AEBP2: variants seen among roughly 807,000 people sequenced by gnomAD.
AEBP2 encodes the protein zinc finger protein AEBP2.
A neutral mutation model predicts 50.8 loss-of-function variants in AEBP2; 10 were observed. That is an observed-to-expected ratio of 0.20 (90% CI 0.12 to 0.33). The LOEUF (loss-of-function observed/expected upper bound fraction) is 0.33, where lower values mean the gene tolerates loss of function less well. AEBP2 is among the 10% of genes least tolerant of loss of function. The pLI, the probability that AEBP2 is intolerant of heterozygous loss-of-function variation, is 1.00. For synonymous variants in AEBP2, 296 were observed against 261.3 expected (o/e 1.13, Z -1.28); for missense variants, 570 against 688.0 (o/e 0.83, Z 1.92).
At chr12:19,487,387 C>T (rs1440799067) in intron 3 of AEBP2, among the ~76,000 whole-genome samples, 1 of 151,902 alleles carries the variant, frequency 6.6e-6, no homozygotes. Flanking sequence ...AAAATTATTA[C>T]CACTGTCTGG....
chr12:19,437,130 G>A (rs576536773), upstream of AEBP2, among the ~76,000 whole-genome samples: 18 of 152,266 alleles, frequency 1.2e-4, no homozygotes, highest in African/African-American at 4.3e-4. Context: ...GGGTGTGGAA[G>A]GAATGCTACA....
Position 19,495,888 on chromosome 12 carries a change from C to T in AEBP2, c.1174+1902C>T, listed in dbSNP as rs575412353. ...AGTAATCATGTTTAATTTTAATCAA[C>T]GTTGGCTATTTATGGTACCATTTTC... On this transcript the variant is annotated intron_variant, in intron 4 of 7. Coordinates refer to ENST00000266508, the MANE Select transcript of AEBP2 (RefSeq NM_153207.5). Among the ~76,000 whole-genome samples the T allele has an allele frequency of 4.6e-5, 7 of 152,228 alleles. No individual in the cohort carries two copies. In the South Asian group the frequency reaches 6.2e-4, roughly 14 times the overall value.
chr12:19,462,255 G>A (rs888276011), intron 1 of AEBP2, among the ~76,000 whole-genome samples: 12 of 152,078 alleles, frequency 7.9e-5, no homozygotes, highest in African/African-American at 2.9e-4. Flanking sequence ...GTAGTATTGA[G>A]TTCATGCCTG....
At chr12:19,494,523 ATGGAGTCTCGCTCTGT>A (rs1948941268) in intron 4 of AEBP2, among the ~76,000 whole-genome samples, 1 of 120,772 alleles carries the variant, frequency 8.3e-6, no homozygotes, top group African/African-American at 3.2e-5. Context: ...TTTTTTTGAG[ATGGAGTCTCGCTCTGT>A]CAGCCAGGCC....
At chr12:19,473,551 G>A (rs922098581) in intron 3 of AEBP2, among the ~76,000 whole-genome samples, 196 bp downstream of exon 3, 6 of 151,976 alleles carry the variant, frequency 3.9e-5, no homozygotes, top group East Asian at 3.9e-4. Context: ...GACTACAGGC[G>A]TGTGCCACCA....
At chr12:19,493,640 C>T (rs12824186) in intron 3 of AEBP2, among the ~76,000 whole-genome samples, 160 bp from the exon 4 acceptor site, 15,568 of 152,116 alleles carry the variant, frequency 0.1, 811 homozygotes, top group Middle Eastern at 0.15. Flanking sequence ...CAACTTACTT[C>T]GTAAAGTGAA....
intron 2 of AEBP2, among the ~76,000 whole-genome samples, chr12:19,465,387 C>T (rs1029894966): frequency 4.6e-5 from 7 of 151,436 alleles, no homozygotes; most frequent in African/African-American, 1.7e-4. Context: ...GAATGAGACT[C>T]TGTCTCAAAA....
intron 3 of AEBP2, among the ~76,000 whole-genome samples, chr12:19,486,673 A>G (rs1412723852): frequency 2.0e-5 from 3 of 152,156 alleles, no homozygotes; most frequent in Admixed American, 6.6e-5. Flanking sequence ...ATGAGGCACC[A>G]TGCTCGACCA....
intron 1 of AEBP2, among the ~76,000 whole-genome samples, chr12:19,446,703 GC>G (rs1310406328): frequency 6.9e-6 from 1 of 145,600 alleles, no homozygotes; most frequent in African/African-American, 2.6e-5. Context: ...CTGCACTCCA[GC>G]CTGGGCGACA....
At chr12:19,433,938 C>T (rs2095752908) in intron 1 of AEBP2, among the ~76,000 whole-genome samples, 1 of 152,034 alleles carries the variant, frequency 6.6e-6, no homozygotes, top group African/African-American at 2.4e-5. Context: ...CCTCTGCCTC[C>T]TGGGTTCAAG....
At position 19,416,530 on chromosome 12, in the gene AEBP2, C is replaced by T. The variant is rs750424728; in HGVS notation, c.-17+12314C>T. Among the ~76,000 whole-genome samples, 12 of 151,050 alleles carry T rather than the reference C, an allele frequency of 7.9e-5. No individual in the cohort carries two copies. The East Asian group carries it at 9.9e-4, about 12-fold the overall frequency. On this transcript the variant is annotated intron_variant, in intron 1 of 3. Coordinates refer to the AEBP2 transcript ENST00000538425. ...AAGCGATTCTCCTGCCTCAGGCTCC[C>T]GAGTAGCTGGGATTACAGGCACATG... is the stretch of plus-strand genomic sequence containing the variant.
chr12:19,408,331 C>T (rs184732503), intron 1 of AEBP2, among the ~76,000 whole-genome samples: 116 of 150,714 alleles, frequency 7.7e-4, no homozygotes, highest in Middle Eastern at 3.4e-3. Context: ...CCGAGGTGGA[C>T]GGATCACCTG....
At chr12:19,475,462 G>GTA (rs1948634598) in intron 3 of AEBP2, among the ~76,000 whole-genome samples, 1 of 149,980 alleles carries the variant, frequency 6.7e-6, no homozygotes, top group Non-Finnish European at 1.5e-5. Flanking sequence ...GTGTATGTGT[G>GTA]TGTATATATA....
At chr12:19,440,472 C>T in intron 1 of AEBP2, 102 bp downstream of exon 1, 3 of 1,409,836 alleles carry the variant, frequency 2.1e-6, no homozygotes, top group Non-Finnish European at 2.8e-6. Context: ...CCCTGCTCCC[C>T]GAATCCTCGG....
chr12:19,508,435 T>C (rs1949185833), intron 5 of AEBP2, among the ~76,000 whole-genome samples: 1 of 152,286 alleles, frequency 6.6e-6, no homozygotes, highest in East Asian at 1.9e-4. Flanking sequence ...AGTCCTAATA[T>C]GTTTTCAGGA....
intron 1 of AEBP2, among the ~76,000 whole-genome samples, chr12:19,404,905 C>G (rs1344749503): frequency 1.4e-5 from 2 of 146,558 alleles, no homozygotes; most frequent in Non-Finnish European, 3.0e-5. Context: ...CCAAACATCT[C>G]GTGATTCCAA....
Position 19,518,650 on chromosome 12 carries a change from G to A in AEBP2, c.*533G>A. ...TCAATTATGATAAATAGATGTGATT[G>A]GTTGCCATTTGTGTTCTTTTGCAGA... On this transcript the variant is annotated 3_prime_UTR_variant, in exon 8 of 8. Transcript: ENST00000266508. 6.8e-7 allele frequency: 1 copy of A among 1,462,650 alleles called. No homozygotes were observed. Among genetic ancestry groups the A allele is most frequent in the South Asian group, 1.4e-5 (1 of 72,512 alleles). 90.6% of individuals were successfully genotyped at this position (1,462,650 alleles called of 1,614,324 possible).
In AEBP2 at chr12:19,439,978, C is replaced by T. The variant is rs928576508; in HGVS notation, c.279C>T (p.Ala93=). Residue 93 remains alanine (A), a synonymous_variant, in exon 1 of 8, where the codon GCC becomes GCT. Coordinates refer to ENST00000266508, the MANE Select transcript of AEBP2 (RefSeq NM_153207.5). Reference sequence around the variant, plus strand: ...CGAGCCCCGAGAGCGCCAGCCAGGCCGGGGAGGACGAAGACGAGGAGGAGG... The same window carrying T: ...CGAGCCCCGAGAGCGCCAGCCAGGCTGGGGAGGACGAAGACGAGGAGGAGG... ...SEPSPESASQ[A]GEDEDEEEDD... The T allele has an allele frequency of 2.0e-6, 3 of 1,520,910 alleles. No homozygotes were observed. Among genetic ancestry groups the T allele is most frequent in the Non-Finnish European group, 2.6e-6 (3 of 1,140,718 alleles). The allele number at this position is 1,520,910 out of a possible 1,614,324, so 94.2% of individuals were successfully genotyped here.
chr12:19,501,797 G>GTTTTTTGTTTT (rs1555187205), intron 5 of AEBP2, among the ~76,000 whole-genome samples: 8 of 70,906 alleles, frequency 1.1e-4, no homozygotes, highest in East Asian at 4.9e-4. Flanking sequence ...AAATGAGTTT[G>GTTTTTTGTTTT]TTTTTTTTTT....
Sources: allele counts gnomAD v4.1 joint callset (sites outside exome capture counted in the v4.1 genomes callset), GRCh38; gene constraint gnomAD v4.1.1; transcripts MANE v1.5; gene names NCBI Gene and HGNC (gene_info 2026-07-23, HGNC 2026-07-21).